The following HABP4 variants were observed in gnomAD, a reference collection of about 807,000 sequenced individuals.
HABP4 encodes intracellular hyaluronan-binding protein 4.
A neutral mutation model predicts 44.1 loss-of-function variants in HABP4; 32 were observed. The ratio of observed to expected loss-of-function variants is 0.73; its 90% CI spans 0.55 to 0.97. HABP4 has a LOEUF of 0.97. Among genes scored for constraint, HABP4 ranks in the 50% least tolerant of loss-of-function variants. HABP4 has a pLI of 0.00. For missense variants in HABP4, 503 were observed against 561.9 expected (o/e 0.90, Z 1.06); for synonymous variants, 216 against 218.0 (o/e 0.99, Z 0.08).
Position 96,488,872 on chromosome 9 carries a change from T to C in HABP4, c.1185+598T>C, listed in dbSNP as rs1413451631. Among the ~76,000 whole-genome samples, 1 of 152,224 alleles carries C rather than the reference T, an allele frequency of 6.6e-6. No individual in the cohort carries two copies. Among genetic ancestry groups the C allele is most frequent in the Non-Finnish European group, 1.5e-5 (1 of 68,036 alleles). On this transcript the variant is annotated intron_variant, in intron 7 of 7. Coordinates refer to ENST00000375249, the MANE Select transcript of HABP4 (RefSeq NM_014282.4). This position sits in a 1 kb window ranked among gnomAD's most constrained non-coding sequence, Gnocchi z 4.6. ...CAAGGTCTCGGAGCAAAGGAGTTTC[T>C]TTTCATTGAAGCCTGATCTCCGTGT... is the stretch of plus-strand genomic sequence containing the variant.
At chr9:96,470,990 G>GA (rs1444529198) in intron 4 of HABP4, 21 bp from the exon 5 acceptor site, 3 of 1,381,310 alleles carry the variant, frequency 2.2e-6, no homozygotes, top group Non-Finnish European at 3.1e-6. Flanking sequence ...TGTGACTAGA[G>GA]AGGGTCTTGC....
chr9:96,456,807 AT>A (rs1564158917), intron 1 of HABP4, among the ~76,000 whole-genome samples: 19 of 126,598 alleles, frequency 1.5e-4, no homozygotes, highest in African/African-American at 5.0e-4. Flanking sequence ...ATATATATAT[AT>A]ATATATATAT....
In HABP4 at chr9:96,475,325, G is replaced by A. The variant is rs192840280; in HGVS notation, c.827+4231G>A. Reference sequence around the variant, plus strand: ...CAGGAGGTGGAGCTTGCAGTGAGCCGAGATCGTGCCACTGCACTCCAGCCT... The same window carrying A: ...CAGGAGGTGGAGCTTGCAGTGAGCCAAGATCGTGCCACTGCACTCCAGCCT... On this transcript the variant is annotated intron_variant, in intron 5 of 7. Transcript: ENST00000375249. 6.6e-3 allele frequency among the ~76,000 whole-genome samples: 990 copies of A among 149,826 alleles called. 14 individuals carry two copies. Among genetic ancestry groups the A allele is most frequent in the African/African-American group, 0.023 (926 of 40,250 alleles).
Position 96,484,467 on chromosome 9 carries a change from C to A in HABP4, c.833C>A (p.Pro278His). 6.9e-7 allele frequency: 1 copy of A among 1,450,526 alleles called. No homozygotes were observed. Among genetic ancestry groups the A allele is most frequent in the Non-Finnish European group, 9.7e-7 (1 of 1,035,942 alleles). The allele number at this position is 1,450,526 out of a possible 1,614,324, so 89.9% of individuals were successfully genotyped here. ...TPEEESPAKVPELEVEEETQV... is the reference protein window; with the variant it reads ...TPEEESPAKVHELEVEEETQV... ...GATTATATATCTCTTTATAGAGTTC[C>A]TGAGTTGGAGGTAGAAGAAGAAACC... The change falls in exon 6 of 8, where the codon CCT (proline) becomes CAT (histidine). Residue 278 changes from proline to histidine, a missense_variant. Pro to His is a moderately conservative substitution (Grantham distance 77). This residue lies in a region of HABP4 where 131 missense variants were observed against 189.8 expected (regional missense o/e 0.69). Coordinates refer to ENST00000375249, the MANE Select transcript of HABP4 (RefSeq NM_014282.4).
chr9:96,472,947 T>C (rs1201026657), intron 5 of HABP4, among the ~76,000 whole-genome samples: 1 of 152,254 alleles, frequency 6.6e-6, no homozygotes, highest in Admixed American at 6.5e-5. Flanking sequence ...GTAAACGTGC[T>C]CTCCTGTTGG....
intron 5 of HABP4, among the ~76,000 whole-genome samples, chr9:96,474,645 A>G (rs1832751170): frequency 1.3e-5 from 2 of 152,314 alleles, no homozygotes; most frequent in Middle Eastern, 3.4e-3. Context: ...TTTTTTCTGC[A>G]CTGCCTTGTC....
intron 1 of HABP4, among the ~76,000 whole-genome samples, chr9:96,456,780 A>AAAAAT (rs1554724388): frequency 4.5e-5 from 2 of 44,770 alleles, no homozygotes; most frequent in Non-Finnish European, 7.5e-5. Flanking sequence ...AAAAAAAAAA[A>AAAAAT]ATATATATAT....
intron 2 of HABP4, among the ~76,000 whole-genome samples, chr9:96,463,759 G>A (rs937113497): frequency 6.6e-6 from 1 of 152,112 alleles, no homozygotes; most frequent in Non-Finnish European, 1.5e-5. Context: ...GGAAGATTGC[G>A]AGTTTTGTAT....
At chr9:96,469,810 C>T (rs889039947) in intron 4 of HABP4, among the ~76,000 whole-genome samples, 4 of 152,086 alleles carry the variant, frequency 2.6e-5, no homozygotes, top group Non-Finnish European at 4.4e-5. Flanking sequence ...TGTGAGCCAC[C>T]GCGCCCGGAT....
At chr9:96,489,952 G>A in intron 7 of HABP4, 30 bp from the exon 8 acceptor site, 1 of 1,406,164 alleles carries the variant, frequency 7.1e-7, no homozygotes, top group East Asian at 2.3e-5. Flanking sequence ...AAGGGGCAGT[G>A]GATTTCAAAG....
chr9:96,482,678 C>T (rs1348871951), intron 5 of HABP4, among the ~76,000 whole-genome samples: 1 of 152,148 alleles, frequency 6.6e-6, no homozygotes, highest in Non-Finnish European at 1.5e-5. Flanking sequence ...GCAGCCCTGG[C>T]CACCACTGAC....
intron 1 of HABP4, chr9:96,451,491 CAG>C (rs1412554795): frequency 8.1e-6 from 8 of 984,210 alleles, no homozygotes; most frequent in Non-Finnish European, 9.7e-6. Context: ...CCAAGGTTTG[CAG>C]AGTGTTAGGA....
At chr9:96,481,142 T>G (rs747606899) in intron 5 of HABP4, among the ~76,000 whole-genome samples, 2 of 152,330 alleles carry the variant, frequency 1.3e-5, no homozygotes, top group Admixed American at 6.5e-5. Context: ...TGGAGTGCAG[T>G]GGTGCCATCT....
At chr9:96,451,375 G>A in intron 1 of HABP4, 1 of 482,218 alleles carries the variant, frequency 2.1e-6, no homozygotes, top group Non-Finnish European at 2.7e-6. Context: ...GCTGCCTGTG[G>A]ACGGGGAGGG....
chr9:96,468,189 C>G (rs752765199), intron 4 of HABP4, among the ~76,000 whole-genome samples: 7 of 151,868 alleles, frequency 4.6e-5, no homozygotes, highest in African/African-American at 1.2e-4. Flanking sequence ...CTCAGTTGAT[C>G]CTTCCACCTC....
At chr9:96,476,161 C>T (rs991488693) in intron 5 of HABP4, among the ~76,000 whole-genome samples, 12 of 152,188 alleles carry the variant, frequency 7.9e-5, no homozygotes, top group African/African-American at 2.7e-4. Context: ...GCTTTGGAAA[C>T]GCAATGACAG....
At chr9:96,481,199 T>C (rs959086246) in intron 5 of HABP4, among the ~76,000 whole-genome samples, 8 of 151,930 alleles carry the variant, frequency 5.3e-5, no homozygotes, top group Non-Finnish European at 2.9e-5. Flanking sequence ...ATTCTCCTGC[T>C]TCAGCCTCCC....
At chr9:96,456,170 A>G (rs975536982) in intron 1 of HABP4, among the ~76,000 whole-genome samples, 4 of 152,228 alleles carry the variant, frequency 2.6e-5, no homozygotes, top group African/African-American at 9.6e-5. Flanking sequence ...ATATGAATTG[A>G]ATTTAAATAT....
rs1347817624 is a variant in HABP4 at position 96,490,192 on chromosome 9, G to C, written c.*154G>C. 5 of 630,834 alleles carry C rather than the reference G, an allele frequency of 7.9e-6. No homozygotes were observed. The Admixed American group carries it at 9.9e-5, about 13-fold the overall frequency. 39.1% of individuals were successfully genotyped at this position (630,834 alleles called of 1,614,324 possible). ...CACTTTTTTGGGCTGAGCTGTTAGA[G>C]GGGCTTCTCCAGAGGCTCGAGAGCA... On this transcript the variant is annotated 3_prime_UTR_variant, in exon 8 of 8. Coordinates refer to ENST00000375249, the MANE Select transcript of HABP4 (RefSeq NM_014282.4).
Sources: allele counts gnomAD v4.1 joint callset (sites outside exome capture counted in the v4.1 genomes callset), GRCh38; gene constraint gnomAD v4.1.1; regional missense constraint gnomAD v4.1.1; non-coding constraint Gnocchi (gnomAD v3.1); transcripts MANE v1.5; gene names NCBI Gene and HGNC (gene_info 2026-07-23, HGNC 2026-07-21).